The following EYA1 variants were observed in gnomAD, a reference collection of about 807,000 sequenced individuals.
EYA1 encodes protein phosphatase EYA1.
In EYA1, 16 loss-of-function variants were observed where a neutral mutation model predicts 82.0. The observed-to-expected ratio is 0.20, with a 90% CI of 0.13 to 0.30. The LOEUF (loss-of-function observed/expected upper bound fraction) is 0.30, where lower values mean the gene tolerates loss of function less well. Among genes scored for constraint, EYA1 ranks in the 10% least tolerant of loss-of-function variants. The pLI, the probability that EYA1 is intolerant of heterozygous loss-of-function variation, is 1.00. For synonymous variants in EYA1, 261 were observed against 264.4 expected (o/e 0.99, Z 0.12); for missense variants, 633 against 730.7 (o/e 0.87, Z 1.54).
At chr8:71,540,447 A>C (rs1283246864) in intron 1 of EYA1, among the ~76,000 whole-genome samples, 2 of 152,182 alleles carry the variant, frequency 1.3e-5, no homozygotes, top group African/African-American at 4.8e-5. Context: ...TTAGAACAAA[A>C]GATTGGGAGA....
At chr8:71,212,924 A>G (rs1041277920) in intron 16 of EYA1, among the ~76,000 whole-genome samples, 2 of 152,154 alleles carry the variant, frequency 1.3e-5, no homozygotes, top group African/African-American at 4.8e-5. Context: ...TAAAAATACA[A>G]AAATTAGCTG....
At chr8:71,415,664 G>T (rs1830814606) in intron 2 of EYA1, among the ~76,000 whole-genome samples, 1 of 152,140 alleles carries the variant, frequency 6.6e-6, no homozygotes, top group Non-Finnish European at 1.5e-5. Flanking sequence ...TGCATTCAGG[G>T]TGACACACAT....
At chr8:71,345,327 T>G (rs2129057160) in intron 3 of EYA1, among the ~76,000 whole-genome samples, 1 of 152,286 alleles carries the variant, frequency 6.6e-6, no homozygotes, top group African/African-American at 2.4e-5. Flanking sequence ...TTCTAAGCAC[T>G]TTACCAACTC....
intron 2 of EYA1, among the ~76,000 whole-genome samples, chr8:71,424,739 T>C (rs1831326621): frequency 6.6e-6 from 1 of 152,136 alleles, no homozygotes; most frequent in South Asian, 2.1e-4. Flanking sequence ...GCTAAGGTTT[T>C]TCACTTTTGT....
At chr8:71,395,893 A>G (rs186568954) in intron 2 of EYA1, among the ~76,000 whole-genome samples, 1 of 152,276 alleles carries the variant, frequency 6.6e-6, no homozygotes, top group Non-Finnish European at 1.5e-5. Flanking sequence ...TACATGTGGT[A>G]GAATTCGGCT....
At chr8:71,480,519 A>G (rs189800088) in intron 2 of EYA1, among the ~76,000 whole-genome samples, 180 of 152,216 alleles carry the variant, frequency 1.2e-3, no homozygotes, top group Admixed American at 2.2e-3. Flanking sequence ...TGCAAAACTG[A>G]GAGATTAAGA....
chr8:71,542,527 C>T (rs1815219191), intron 1 of EYA1, among the ~76,000 whole-genome samples: 2 of 152,146 alleles, frequency 1.3e-5, no homozygotes, highest in African/African-American at 4.8e-5. Flanking sequence ...TGAACATACA[C>T]GTGCATGTGT....
chr8:71,269,621 G>A (rs1816271431), intron 11 of EYA1, 119 bp downstream of exon 11: 2 of 686,834 alleles, frequency 2.9e-6, no homozygotes, highest in Admixed American at 5.3e-5. Flanking sequence ...TGACTATATA[G>A]TTCTTCTCCA....
At chr8:71,216,644 G>GT in intron 14 of EYA1, 48 bp downstream of exon 14, 1 of 1,589,612 alleles carries the variant, frequency 6.3e-7, no homozygotes, top group Non-Finnish European at 8.6e-7. Flanking sequence ...TTTTGGAATT[G>GT]TATCTGGACT....
chr8:71,509,738 T>C (rs555505948), intron 2 of EYA1, among the ~76,000 whole-genome samples: 159 of 152,300 alleles, frequency 1.0e-3, no homozygotes, highest in African/African-American at 3.5e-3. Flanking sequence ...ATATAAAGAA[T>C]GCCATTTTTA....
intron 2 of EYA1, among the ~76,000 whole-genome samples, chr8:71,508,869 A>G (rs1812390574): frequency 6.6e-6 from 1 of 152,162 alleles, no homozygotes; most frequent in East Asian, 1.9e-4. Context: ...CGTTTATTCT[A>G]CTGCACTAAA....
At chr8:71,213,286 C>T (rs1448267976) in intron 16 of EYA1, among the ~76,000 whole-genome samples, 3 of 152,162 alleles carry the variant, frequency 2.0e-5, no homozygotes, top group Non-Finnish European at 4.4e-5. Flanking sequence ...CTTCAATGCA[C>T]ATGCTATGTA....
chr8:71,398,349 G>A (rs181967966), intron 2 of EYA1, among the ~76,000 whole-genome samples: 16 of 152,292 alleles, frequency 1.1e-4, no homozygotes, highest in Non-Finnish European at 1.6e-4. Context: ...CAGGACCTGC[G>A]TTCCTTTGGA....
intron 4 of EYA1, among the ~76,000 whole-genome samples, chr8:71,322,812 C>A (rs989704577): frequency 6.6e-6 from 1 of 152,132 alleles, no homozygotes; most frequent in Non-Finnish European, 1.5e-5. Flanking sequence ...AGTAAAAATG[C>A]GTTCCTATAA....
At position 71,520,891 on chromosome 8, in the gene EYA1, A is replaced by G. The variant is rs1019475265; in HGVS notation, c.33+14853T>C. On this transcript the variant is annotated intron_variant, in intron 2 of 18. Coordinates refer to the EYA1 transcript ENST00000643681. Reference sequence around the variant, plus strand: ...TAACACATGTCATTTTAAAACTTACATAAGGAATTGCAATTATATTATCTT... The same window carrying G: ...TAACACATGTCATTTTAAAACTTACGTAAGGAATTGCAATTATATTATCTT... 5.3e-5 allele frequency among the ~76,000 whole-genome samples: 8 copies of G among 152,306 alleles called. No individual in the cohort carries two copies. In the South Asian group the frequency reaches 1.0e-3, roughly 20 times the overall value.
At chr8:71,401,320 G>C (rs1338770522) in intron 2 of EYA1, among the ~76,000 whole-genome samples, 1 of 152,048 alleles carries the variant, frequency 6.6e-6, no homozygotes, top group Admixed American at 6.5e-5. Flanking sequence ...CACAGCAAGA[G>C]TTTCTCTATT....
intron 2 of EYA1, among the ~76,000 whole-genome samples, chr8:71,396,871 T>C (rs1045662657): frequency 6.6e-6 from 1 of 152,224 alleles, no homozygotes; most frequent in African/African-American, 2.4e-5. Flanking sequence ...TTGATCTGTC[T>C]AATGTTGACA....
chr8:71,476,256 C>T (rs1323694348), intron 2 of EYA1, among the ~76,000 whole-genome samples: 1 of 152,080 alleles, frequency 6.6e-6, no homozygotes, highest in Non-Finnish European at 1.5e-5. Context: ...ATAGACAGGA[C>T]AAAAATTCTA....
intron 2 of EYA1, among the ~76,000 whole-genome samples, chr8:71,415,744 C>T (rs1280837192): frequency 6.6e-6 from 1 of 152,198 alleles, no homozygotes; most frequent in East Asian, 1.9e-4. Context: ...GGCATCACGG[C>T]TCCTGTGTTG....
Sources: gnomAD v4.1 joint callset for allele counts (sites outside exome capture counted in the v4.1 genomes callset) on GRCh38, gnomAD v4.1.1 for gene constraint, MANE v1.5 for transcripts, NCBI Gene and HGNC (gene_info 2026-07-23, HGNC 2026-07-21) for gene names.